RANBP10: variants seen among roughly 807,000 people sequenced by gnomAD.
RANBP10 encodes the protein ran-binding protein 10.
In RANBP10, 24 loss-of-function variants were observed where a neutral mutation model predicts 72.8. That is an observed-to-expected ratio of 0.33 (90% CI 0.24 to 0.46). The LOEUF (loss-of-function observed/expected upper bound fraction) is 0.46, where lower values mean the gene tolerates loss of function less well. Ranked by LOEUF, RANBP10 falls within the 20% of genes least tolerant of loss-of-function variation. RANBP10 has a pLI of 1.00. For synonymous variants in RANBP10, 310 were observed against 322.3 expected (o/e 0.96, Z 0.41); for missense variants, 679 against 817.5 (o/e 0.83, Z 2.07).
chr16:67,765,228 A>C (rs35902320), intron 3 of RANBP10, among the ~76,000 whole-genome samples: 17 of 146,696 alleles, frequency 1.2e-4, no homozygotes, highest in Non-Finnish European at 1.3e-4. Flanking sequence ...AAAAAAAAAA[A>C]CATTAAAAAA....
At position 67,727,845 on chromosome 16, in the gene RANBP10, T is replaced by A; in HGVS notation, c.1526A>T (p.Glu509Val). ...QLCGGNQAATERIILFGRELQ... is the reference protein window; with the variant it reads ...QLCGGNQAATVRIILFGRELQ... The stretch of plus-strand genomic sequence containing the variant: ...CTCGCGGCCAAACAGAATGATCCTT[T>A]CTGTGGCAGCCTGGTTGCCCCCGCA... The change falls in exon 12 of 14, where the codon GAA becomes GTA. Residue 509 changes from glutamate to valine, a missense_variant. Physicochemically the swap from Glu to Val is moderately radical, Grantham distance 121 (BLOSUM62 -2). Coordinates refer to ENST00000317506, the MANE Select transcript of RANBP10 (RefSeq NM_020850.3). 1 of 1,614,134 alleles carries A rather than the reference T, an allele frequency of 6.2e-7. No homozygotes were observed. The highest frequency in any genetic ancestry group is 8.5e-7 in the Non-Finnish European group (1 of 1,180,044).
chr16:67,726,686 TGTAA>T (rs747663567), intron 13 of RANBP10, 128 bp from the exon 14 acceptor site: 38 of 1,179,094 alleles, frequency 3.2e-5, no homozygotes, highest in Non-Finnish European at 4.3e-5. Context: ...AGTACCTCTG[TGTAA>T]GTGTGTCCCA....
At chr16:67,743,398 A>C (rs866859013) in intron 4 of RANBP10, among the ~76,000 whole-genome samples, 3 of 152,142 alleles carry the variant, frequency 2.0e-5, no homozygotes, top group Non-Finnish European at 2.9e-5. Context: ...CAGGCAGACC[A>C]GGCTGTTAGT....
chr16:67,748,122 G>A (rs1390675379), intron 3 of RANBP10, among the ~76,000 whole-genome samples: 3 of 151,814 alleles, frequency 2.0e-5, no homozygotes, highest in African/African-American at 7.3e-5. Flanking sequence ...ACTGCGCCCG[G>A]CCCTCATTTT....
At chr16:67,733,402 C>A (rs1444242702) in intron 6 of RANBP10, among the ~76,000 whole-genome samples, 2 of 151,900 alleles carry the variant, frequency 1.3e-5, no homozygotes, top group Non-Finnish European at 2.9e-5. Context: ...TATTATTACA[C>A]CATATTATTA....
At chr16:67,732,360 A>C (rs1358627846) in intron 6 of RANBP10, among the ~76,000 whole-genome samples, 1 of 152,186 alleles carries the variant, frequency 6.6e-6, no homozygotes, top group African/African-American at 2.4e-5. Flanking sequence ...ATGTGTGTAC[A>C]CATATAAAGC....
In RANBP10 at chr16:67,792,653, C is replaced by T. The variant is rs534617437; in HGVS notation, c.347+12775G>A. On this transcript the variant is annotated intron_variant, in intron 2 of 13. Coordinates refer to ENST00000317506, the MANE Select transcript of RANBP10 (RefSeq NM_020850.3). Reference sequence around the variant, plus strand: ...CAAAAATTAGCTGGGCATGGTGGTACGCACCTATAGTCCCAGCTACTCAGG... The same window carrying T: ...CAAAAATTAGCTGGGCATGGTGGTATGCACCTATAGTCCCAGCTACTCAGG... 1.5e-4 allele frequency among the ~76,000 whole-genome samples: 23 copies of T among 150,902 alleles called. 1 individual carries two copies. Among genetic ancestry groups the T allele is most frequent in the African/African-American group, 5.6e-4 (23 of 41,102 alleles).
chr16:67,764,528 GGAACACTCTA>G (rs2054460628), intron 3 of RANBP10, among the ~76,000 whole-genome samples: 2 of 151,684 alleles, frequency 1.3e-5, no homozygotes, highest in Admixed American at 1.3e-4. Context: ...CAAATTATCA[GGAACACTCTA>G]GAGGCACACT....
intron 3 of RANBP10, 67 bp from the exon 4 acceptor site, chr16:67,744,522 G>C: frequency 6.8e-7 from 1 of 1,479,762 alleles, no homozygotes; most frequent in Non-Finnish European, 9.1e-7. Context: ...AGTCACAGAA[G>C]CCCACCCAGG....
Position 67,756,561 on chromosome 16 carries a change from G to T in RANBP10, c.401-12106C>A, listed in dbSNP as rs1044504293. 5.3e-5 allele frequency among the ~76,000 whole-genome samples: 8 copies of T among 152,200 alleles called. No homozygotes were observed. The East Asian group carries it at 1.5e-3, about 29-fold the overall frequency. Reference sequence around the variant, plus strand: ...CTACTAAAAATGTAACAATTAGCCAGGTATAGTGGTGGGTGCCTGTAATCC... The same window carrying T: ...CTACTAAAAATGTAACAATTAGCCATGTATAGTGGTGGGTGCCTGTAATCC... On this transcript the variant is annotated intron_variant, in intron 3 of 13. Transcript: ENST00000317506.
chr16:67,785,055 CA>C (rs1478419485), intron 2 of RANBP10, among the ~76,000 whole-genome samples: 1 of 149,488 alleles, frequency 6.7e-6, no homozygotes, highest in Non-Finnish European at 1.5e-5. Context: ...ACTAAAAATA[CA>C]AAAAAAGTAG....
intron 3 of RANBP10, among the ~76,000 whole-genome samples, chr16:67,756,617 C>T (rs1346381260): frequency 3.3e-5 from 5 of 152,060 alleles, no homozygotes; most frequent in African/African-American, 7.2e-5. Flanking sequence ...TCAGGAGAAT[C>T]GCTTGATGCC....
At chr16:67,728,039 A>T in intron 11 of RANBP10, 143 bp from the exon 12 acceptor site, 1 of 865,378 alleles carries the variant, frequency 1.2e-6, no homozygotes, top group African/African-American at 1.7e-5. Context: ...AGGCAGCTAC[A>T]GTCAAGGCGT....
At chr16:67,791,703 T>C (rs1423380312) in intron 2 of RANBP10, among the ~76,000 whole-genome samples, 1 of 152,158 alleles carries the variant, frequency 6.6e-6, no homozygotes, top group African/African-American at 2.4e-5. Context: ...ATCTTGTTGC[T>C]ATCAGAACCT....
Position 67,806,545 on chromosome 16 carries a change from G to A in RANBP10, c.-9C>T. Reference sequence around the variant, plus strand: ...GCCGTCGCTGCCGCCATCTTGGAGGGAGCTACTATTGTGTCACTGGGGGCG... The same window carrying A: ...GCCGTCGCTGCCGCCATCTTGGAGGAAGCTACTATTGTGTCACTGGGGGCG... On this transcript the variant is annotated 5_prime_UTR_variant, in exon 1 of 14. Coordinates refer to ENST00000317506, the MANE Select transcript of RANBP10 (RefSeq NM_020850.3). 1 of 1,489,592 alleles carries A rather than the reference G, an allele frequency of 6.7e-7. No homozygotes were observed. Among genetic ancestry groups the A allele is most frequent in the Non-Finnish European group, 8.9e-7 (1 of 1,128,066 alleles). The allele number at this position is 1,489,592 out of a possible 1,614,324, so 92.3% of individuals were successfully genotyped here. A position where few individuals can be genotyped will look rare whatever the true frequency, so the allele number is the denominator to read the frequency against.
intron 3 of RANBP10, among the ~76,000 whole-genome samples, chr16:67,751,653 C>T (rs948821737): frequency 2.6e-5 from 4 of 151,700 alleles, no homozygotes; most frequent in Admixed American, 6.6e-5. Context: ...CAGTGGCTCA[C>T]GCCTATAATC....
chr16:67,774,910 G>T (rs1040810234), intron 2 of RANBP10, among the ~76,000 whole-genome samples: 1 of 152,098 alleles, frequency 6.6e-6, no homozygotes, highest in Non-Finnish European at 1.5e-5. Context: ...TAAAAAACAC[G>T]AATTGTACAC....
At chr16:67,794,271 C>T (rs548591134) in intron 2 of RANBP10, among the ~76,000 whole-genome samples, 13 of 152,042 alleles carry the variant, frequency 8.6e-5, no homozygotes, top group Admixed American at 2.6e-4. Context: ...AACCCCATCT[C>T]TACTAGAAAT....
intron 11 of RANBP10, 87 bp from the exon 12 acceptor site, chr16:67,727,983 G>T: frequency 6.9e-7 from 1 of 1,459,500 alleles, no homozygotes; most frequent in African/African-American, 1.4e-5. Flanking sequence ...ACCCCGGGTG[G>T]GCTGCAGCTT....
Sources: gnomAD v4.1 joint callset for allele counts (sites outside exome capture counted in the v4.1 genomes callset) on GRCh38, gnomAD v4.1.1 for gene constraint, MANE v1.5 for transcripts, NCBI Gene and HGNC (gene_info 2026-07-23, HGNC 2026-07-21) for gene names.